Variants in CTNNA3 observed in about 807,000 individuals in gnomAD.
CTNNA3 encodes catenin alpha 3, also known as catenin alpha-3.
Under a neutral mutation model 95.7 loss-of-function variants are expected in CTNNA3, and 76 were observed. That is an observed-to-expected ratio of 0.79 (90% CI 0.66 to 0.96). The LOEUF is 0.96. Ranked by LOEUF, CTNNA3 falls within the 40% of genes least tolerant of loss-of-function variation. The pLI, the probability that CTNNA3 is intolerant of heterozygous loss-of-function variation, is 0.00. For missense variants in CTNNA3, 1,191 were observed against 1,089.8 expected, an observed-to-expected ratio of 1.09 and a Z score of -1.31; for synonymous variants, 431 against 374.4, an observed-to-expected ratio of 1.15 and a Z score of -1.74.
chr10:66,488,006 A>G (rs1381118188), intron 11 of CTNNA3, among the ~76,000 whole-genome samples: 2 of 152,214 alleles, frequency 1.3e-5, no homozygotes, highest in Non-Finnish European at 2.9e-5. Flanking sequence ...AATCACTGCC[A>G]TCAGCAGTCA....
At chr10:66,423,273 C>A (rs570026612) in intron 11 of CTNNA3, among the ~76,000 whole-genome samples, 2 of 152,142 alleles carry the variant, frequency 1.3e-5, no homozygotes, top group South Asian at 4.2e-4. Flanking sequence ...TAATTTTTTT[C>A]TTCTCCTGAC....
At chr10:67,476,089 C>T (rs138371548) in intron 5 of CTNNA3, among the ~76,000 whole-genome samples, 200 of 152,352 alleles carry the variant, frequency 1.3e-3, no homozygotes, top group East Asian at 0.011. Context: ...GAAATGATGT[C>T]ACATTTGCTA....
intron 7 of CTNNA3, among the ~76,000 whole-genome samples, chr10:66,852,429 T>C (rs1843531825): frequency 6.6e-6 from 1 of 152,172 alleles, no homozygotes; most frequent in Non-Finnish European, 1.5e-5. Flanking sequence ...TATATACTTG[T>C]GTTCAGAAAT....
chr10:66,951,887 C>T (rs1374632135), intron 7 of CTNNA3, among the ~76,000 whole-genome samples: 1 of 152,140 alleles, frequency 6.6e-6, no homozygotes, highest in Non-Finnish European at 1.5e-5. Flanking sequence ...AGCCCATCTC[C>T]AAGTCCAGCC....
intron 7 of CTNNA3, among the ~76,000 whole-genome samples, chr10:66,988,238 C>T (rs751301508): frequency 6.6e-6 from 1 of 152,108 alleles, no homozygotes; most frequent in Non-Finnish European, 1.5e-5. Flanking sequence ...CAAAATAATA[C>T]TACCTCACAG....
intron 15 of CTNNA3, among the ~76,000 whole-genome samples, chr10:66,028,556 G>A (rs1490893997): frequency 6.6e-6 from 1 of 151,300 alleles, no homozygotes; most frequent in Non-Finnish European, 1.5e-5. Context: ...GAGGACACAT[G>A]GACACAGGAA....
At chr10:67,489,807 C>CAT (rs1848585133) in intron 5 of CTNNA3, among the ~76,000 whole-genome samples, 1 of 134,104 alleles carries the variant, frequency 7.5e-6, no homozygotes. Context: ...TATATATATA[C>CAT]ACACATTAGG....
At chr10:67,277,500 C>T (rs748497989) in intron 5 of CTNNA3, among the ~76,000 whole-genome samples, 35 of 152,032 alleles carry the variant, frequency 2.3e-4, no homozygotes, top group Admixed American at 8.5e-4. Flanking sequence ...GTGTCAGAGG[C>T]CTTTGAACCA....
chr10:66,361,208 A>T (rs952423135), intron 12 of CTNNA3, among the ~76,000 whole-genome samples: 6 of 151,208 alleles, frequency 4.0e-5, no homozygotes, highest in Non-Finnish European at 8.8e-5. Context: ...GGCTCAAGCA[A>T]TCTATCTGTC....
intron 5 of CTNNA3, among the ~76,000 whole-genome samples, chr10:67,295,955 G>C (rs1045406732): frequency 5.3e-5 from 8 of 152,132 alleles, no homozygotes; most frequent in African/African-American, 1.9e-4. Context: ...GGATGCTCAG[G>C]ATGCGCAGTT....
intron 13 of CTNNA3, 45 bp from the exon 14 acceptor site, chr10:66,103,294 T>C: frequency 6.6e-7 from 1 of 1,513,766 alleles, no homozygotes; most frequent in Non-Finnish European, 9.2e-7. Flanking sequence ...TGTAAAAGCA[T>C]TTCTTCTTTG....
chr10:67,316,854 A>C (rs901497071), intron 5 of CTNNA3, among the ~76,000 whole-genome samples: 1 of 152,180 alleles, frequency 6.6e-6, no homozygotes, highest in Admixed American at 6.5e-5. Flanking sequence ...AATCCATATA[A>C]TAATTAAGTA....
At chr10:66,093,823 G>A (rs1013063619) in intron 14 of CTNNA3, among the ~76,000 whole-genome samples, 3 of 152,038 alleles carry the variant, frequency 2.0e-5, no homozygotes, top group Admixed American at 2.0e-4. Flanking sequence ...TTAGCCTAGG[G>A]TGTGCTTTTG....
chr10:67,650,173 G>A (rs1223844824), intron 1 of CTNNA3, among the ~76,000 whole-genome samples: 5 of 152,134 alleles, frequency 3.3e-5, no homozygotes, highest in Non-Finnish European at 7.4e-5. Flanking sequence ...AATCTTAGGA[G>A]TTAGGCAGTA....
intron 5 of CTNNA3, among the ~76,000 whole-genome samples, chr10:67,278,420 C>T (rs1839270695): frequency 6.6e-6 from 1 of 152,104 alleles, no homozygotes; most frequent in Non-Finnish European, 1.5e-5. Flanking sequence ...TGGTTTGGTT[C>T]AGAAAGGCGG....
chr10:66,394,827 A>C (rs2092962457), intron 11 of CTNNA3, among the ~76,000 whole-genome samples: 1 of 152,082 alleles, frequency 6.6e-6, no homozygotes, highest in Non-Finnish European at 1.5e-5. Context: ...GCTTTTGGAC[A>C]CAGAAAAGCA....
chr10:66,384,148 T>C (rs1335469785), intron 11 of CTNNA3, among the ~76,000 whole-genome samples: 1 of 151,706 alleles, frequency 6.6e-6, no homozygotes, highest in Non-Finnish European at 1.5e-5. Context: ...AGACACAGAG[T>C]GGCATGTTGG....
intron 7 of CTNNA3, among the ~76,000 whole-genome samples, chr10:67,173,581 T>C (rs532647597): frequency 6.6e-6 from 1 of 152,308 alleles, no homozygotes; most frequent in Admixed American, 6.5e-5. Flanking sequence ...GTGTATATGA[T>C]CTAAGACAAC....
At chr10:66,649,154 T>C (rs181604170) in intron 9 of CTNNA3, among the ~76,000 whole-genome samples, 8 of 152,160 alleles carry the variant, frequency 5.3e-5, no homozygotes, top group African/African-American at 1.7e-4. Context: ...CTTGCAAACA[T>C]TGCAATGATT....
Sources: gnomAD v4.1 joint callset for allele counts (sites outside exome capture counted in the v4.1 genomes callset) on GRCh38, gnomAD v4.1.1 for gene constraint, MANE v1.5 for transcripts, NCBI Gene and HGNC (gene_info 2026-07-23, HGNC 2026-07-21) for gene names.